Variants in EVC2 observed in about 807,000 individuals in gnomAD.
EVC2 encodes the protein limbin.
A neutral mutation model predicts 149.3 loss-of-function variants in EVC2; 148 were observed. That is an observed-to-expected ratio of 0.99 (90% CI 0.87 to 1.14). EVC2 has a LOEUF of 1.14. Among genes scored for constraint, EVC2 ranks in the 50% most tolerant of loss-of-function variants. The pLI is 0.00. For synonymous variants in EVC2, 776 were observed against 649.9 expected (o/e 1.19, Z -2.95); for missense variants, 1,854 against 1,627.3 (o/e 1.14, Z -2.40).
chr4:5,690,210 T>C (rs1035587163), intron 4 of EVC2, among the ~76,000 whole-genome samples: 1 of 152,086 alleles, frequency 6.6e-6, no homozygotes, highest in African/African-American at 2.4e-5. Context: ...CTAACACTGA[T>C]TGCATCCAGG....
chr4:5,618,328 A>T lies in EVC2; in HGVS notation c.2706+150T>A. The T allele has an allele frequency of 1.1e-6, 1 of 877,946 alleles. No individual in the cohort carries two copies. Among genetic ancestry groups the T allele is most frequent in the South Asian group, 1.5e-5 (1 of 68,916 alleles). The allele number at this position is 877,946 out of a possible 1,614,324, so 54.4% of individuals were successfully genotyped here. ...TTGGGACAGCCCTGGAGATTCCTGGAATAGCTGGACACCAATGCAGCCAGA... is the reference window on the plus strand; with the variant it reads ...TTGGGACAGCCCTGGAGATTCCTGGTATAGCTGGACACCAATGCAGCCAGA... On this transcript the variant is annotated intron_variant, in intron 15 of 21. Coordinates refer to ENST00000344408, the MANE Select transcript of EVC2 (RefSeq NM_147127.5). The surrounding 1 kb of genome is among the most constrained non-coding windows in gnomAD (Gnocchi z 4.4).
intron 16 of EVC2, among the ~76,000 whole-genome samples, chr4:5,607,652 A>G (rs73198115): frequency 0.022 from 3,343 of 152,188 alleles, 82 homozygotes; most frequent in African/African-American, 0.062. Flanking sequence ...TTCCTCCAAG[A>G]ATCAGTCATA....
At chr4:5,665,231 G>T (rs1450475230) in intron 8 of EVC2, among the ~76,000 whole-genome samples, 1 of 152,120 alleles carries the variant, frequency 6.6e-6, no homozygotes, top group Non-Finnish European at 1.5e-5. Context: ...GACTGCTTAA[G>T]CCCAGGAGTT....
At chr4:5,647,579 T>C (rs1161993893) in intron 9 of EVC2, among the ~76,000 whole-genome samples, 1 of 152,202 alleles carries the variant, frequency 6.6e-6, no homozygotes, top group Non-Finnish European at 1.5e-5. Context: ...CAAAGCAGTG[T>C]GTGTATGGCT....
intron 20 of EVC2, among the ~76,000 whole-genome samples, chr4:5,566,668 T>G (rs1335612663): frequency 6.6e-6 from 1 of 152,160 alleles, no homozygotes; most frequent in Non-Finnish European, 1.5e-5. Context: ...TGCCTGGCCA[T>G]GAGGCTGGGC....
chr4:5,631,072 G>A (rs185920831), intron 11 of EVC2, among the ~76,000 whole-genome samples: 16 of 152,248 alleles, frequency 1.1e-4, no homozygotes. Context: ...GACAGTTTCA[G>A]ATAGACTGTT....
chr4:5,654,071 G>A (rs1306790474), intron 9 of EVC2, among the ~76,000 whole-genome samples: 1 of 152,160 alleles, frequency 6.6e-6, no homozygotes, highest in Non-Finnish European at 1.5e-5. Flanking sequence ...AAAATTAGCT[G>A]GGCGTGGTGG....
At chr4:5,536,535 A>G in the EVC2 span, among the ~76,000 whole-genome samples, 1 of 152,196 alleles carries the variant, frequency 6.6e-6, no homozygotes, top group African/African-American at 2.4e-5. Context: ...CTGTAATCCT[A>G]GCACTTTGGG....
chr4:5,619,244 C>T (rs976601106), intron 14 of EVC2, among the ~76,000 whole-genome samples: 1 of 152,128 alleles, frequency 6.6e-6, no homozygotes, highest in African/African-American at 2.4e-5. Context: ...CAAGTCCTAA[C>T]CTGGGACCTG....
chr4:5,536,575 G>C, the EVC2 span, among the ~76,000 whole-genome samples: 4 of 152,094 alleles, frequency 2.6e-5, no homozygotes, highest in Admixed American at 6.5e-5. Flanking sequence ...ACGAGGTCAG[G>C]AGATCGAGAC....
downstream of EVC2, among the ~76,000 whole-genome samples, chr4:5,539,596 C>A (rs970251327): frequency 1.3e-5 from 2 of 151,926 alleles, no homozygotes; most frequent in African/African-American, 4.8e-5. Flanking sequence ...ACAAATAGAT[C>A]AATTAAACAG....
rs1720637582 is a variant in EVC2, at chr4:5,685,462, C to T, written c.724G>A (p.Val242Ile). ...GCCTGGAGCGTGGCTGCGTAGCTGA[C>T]AGCAAAGGCATCTCCCACTGCGCAG... Reference protein sequence around the residue: ...KFLQVGDAFAVSYAATLQAGD... With the variant: ...KFLQVGDAFAISYAATLQAGD... The change falls in exon 6 of 22, where the codon GTC (valine) becomes ATC (isoleucine). Residue 242 changes from valine to isoleucine, a missense_variant. By Grantham distance (29) the Val-to-Ile change is conservative. Transcript: ENST00000344408. 3.7e-6 allele frequency: 6 copies of T among 1,614,216 alleles called. No homozygotes were observed. Among genetic ancestry groups the T allele is most frequent in the Non-Finnish European group, 5.1e-6 (6 of 1,180,034 alleles).
intron 21 of EVC2, among the ~76,000 whole-genome samples, chr4:5,547,733 G>T (rs1356112548): frequency 6.6e-6 from 1 of 152,176 alleles, no homozygotes; most frequent in Non-Finnish European, 1.5e-5. Context: ...CTTCTTGGAC[G>T]CAGGATAAGA....
intron 21 of EVC2, among the ~76,000 whole-genome samples, chr4:5,552,818 G>C (rs1332782280): frequency 1.3e-5 from 2 of 152,336 alleles, no homozygotes; most frequent in East Asian, 1.9e-4. Flanking sequence ...CCGAGGTAGA[G>C]AGACAAAGAA....
rs1041133000 is a variant in EVC2 at position 5,568,387 on chromosome 4, T to C, written c.3557+57A>G. 4.2e-5 allele frequency: 64 copies of C among 1,517,942 alleles called. No individual in the cohort carries two copies. In the Admixed American group the frequency reaches 1.2e-3, roughly 27 times the overall value. The allele number at this position is 1,517,942 out of a possible 1,614,324, so 94.0% of individuals were successfully genotyped here. On this transcript the variant is annotated intron_variant, in intron 20 of 21. Transcript: ENST00000344408. Reference sequence around the variant, plus strand: ...GGCCTCCCATGACCTTGAGGACTCATGGGGACCCTTGTGGACAGGGACGTG... The same window carrying C: ...GGCCTCCCATGACCTTGAGGACTCACGGGGACCCTTGTGGACAGGGACGTG...
At chr4:5,656,805 T>C (rs1454847673) in intron 9 of EVC2, among the ~76,000 whole-genome samples, 2 of 152,202 alleles carry the variant, frequency 1.3e-5, no homozygotes, top group Non-Finnish European at 2.9e-5. Flanking sequence ...TGAGTTTCTG[T>C]TGCATGAAAC....
chr4:5,592,970 C>A (rs1212598466), intron 16 of EVC2, among the ~76,000 whole-genome samples: 1 of 152,190 alleles, frequency 6.6e-6, no homozygotes, highest in African/African-American at 2.4e-5. Context: ...TACCTCCATG[C>A]TGTTCTCCTG....
rs933829369 is a variant in EVC2 at position 5,657,998 on chromosome 4, C to T, written c.1145+5109G>A. Among the ~76,000 whole-genome samples, 18 of 152,156 alleles carry T rather than the reference C, an allele frequency of 1.2e-4. No homozygotes were observed. Among genetic ancestry groups the T allele is most frequent in the African/African-American group, 4.3e-4 (18 of 41,426 alleles). On this transcript the variant is annotated intron_variant, in intron 9 of 21. Transcript: ENST00000344408. This position sits in a 1 kb window ranked among gnomAD's most constrained non-coding sequence, Gnocchi z 4.7. Reference sequence around the variant, plus strand: ...CATCGCCAGCTCTCAGCTTAACAAGCCTCCATTAGAAGCATCCTCTCCAAG... The same window carrying T: ...CATCGCCAGCTCTCAGCTTAACAAGTCTCCATTAGAAGCATCCTCTCCAAG...
chr4:5,665,938 G>A (rs1719252361), intron 7 of EVC2, among the ~76,000 whole-genome samples: 1 of 152,150 alleles, frequency 6.6e-6, no homozygotes, highest in Admixed American at 6.5e-5. Context: ...ACTCAAGAAT[G>A]TTAAGTTTCC....
Sources: gnomAD v4.1 joint callset for allele counts (sites outside exome capture counted in the v4.1 genomes callset) on GRCh38, gnomAD v4.1.1 for gene constraint, Gnocchi (gnomAD v3.1) non-coding constraint, MANE v1.5 for transcripts, NCBI Gene and HGNC (gene_info 2026-07-23, HGNC 2026-07-21) for gene names.